The following SLC14A2 variants were observed in gnomAD, a reference collection of about 807,000 sequenced individuals.
SLC14A2 encodes solute carrier family 14 member 2.
Under a neutral mutation model 104.6 loss-of-function variants are expected in SLC14A2, and 91 were observed. The ratio of observed to expected loss-of-function variants is 0.87; its 90% CI spans 0.73 to 1.04. The LOEUF is 1.04. Among genes scored for constraint, SLC14A2 ranks in the 50% least tolerant of loss-of-function variants. The pLI, the probability that SLC14A2 is intolerant of heterozygous loss-of-function variation, is 0.00. For synonymous variants in SLC14A2, 476 were observed against 466.4 expected, an observed-to-expected ratio of 1.02 and a Z score of -0.27; for missense variants, 1,189 against 1,156.0, an observed-to-expected ratio of 1.03 and a Z score of -0.41.
chr18:45,474,088 T>C (rs1728159099), intron 1 of SLC14A2, among the ~76,000 whole-genome samples: 1 of 152,134 alleles, frequency 6.6e-6, no homozygotes, highest in African/African-American at 2.4e-5. Context: ...TTAGCATGAA[T>C]GGGTGTTGAA....
intron 10 of SLC14A2, among the ~76,000 whole-genome samples, chr18:45,657,260 T>G (rs957483580): frequency 2.0e-5 from 3 of 151,630 alleles, no homozygotes; most frequent in Non-Finnish European, 4.4e-5. Context: ...TCACCTGAGG[T>G]CAGGAGATTG....
chr18:45,492,193 C>T (rs957577377), intron 2 of SLC14A2: 22 of 152,190 alleles, frequency 1.4e-4, no homozygotes, highest in African/African-American at 2.9e-4. Flanking sequence ...GACTGTACCT[C>T]TCTAAAACTT....
chr18:45,581,708 C>A (rs912586891), intron 2 of SLC14A2, among the ~76,000 whole-genome samples: 6 of 152,128 alleles, frequency 3.9e-5, no homozygotes, highest in African/African-American at 1.4e-4. Flanking sequence ...CATAAGCAGT[C>A]AATGTTAGCT....
intron 2 of SLC14A2, among the ~76,000 whole-genome samples, chr18:45,599,575 C>G (rs1183540375): frequency 6.6e-6 from 1 of 152,212 alleles, no homozygotes; most frequent in East Asian, 1.9e-4. Flanking sequence ...ATGATTGTGT[C>G]TGTCTCTCTC....
At chr18:45,277,575 A>G (rs2084715561) in intron 1 of SLC14A2, among the ~76,000 whole-genome samples, 1 of 152,150 alleles carries the variant, frequency 6.6e-6, no homozygotes, top group Non-Finnish European at 1.5e-5. Flanking sequence ...CACCCAGCTA[A>G]TATTTTAATT....
intron 2 of SLC14A2, among the ~76,000 whole-genome samples, chr18:45,484,807 TGTAATGACA>T (rs2087568325): frequency 6.6e-6 from 1 of 152,132 alleles, no homozygotes; most frequent in South Asian, 2.1e-4. Flanking sequence ...TGTGCGTGTG[TGTAATGACA>T]GTAATAAGAT....
chr18:45,568,295 A>G (rs973312453), intron 2 of SLC14A2, among the ~76,000 whole-genome samples: 1 of 152,232 alleles, frequency 6.6e-6, no homozygotes, highest in African/African-American at 2.4e-5. Context: ...GATGAGCTCT[A>G]TGGGCACAGC....
chr18:45,307,776 C>T (rs1367840335), intron 1 of SLC14A2, among the ~76,000 whole-genome samples: 1 of 152,202 alleles, frequency 6.6e-6, no homozygotes, highest in East Asian at 1.9e-4. Context: ...GAAACTCAGC[C>T]TTGATAACTA....
intron 2 of SLC14A2, among the ~76,000 whole-genome samples, chr18:45,602,991 AACTG>A (rs916024985): frequency 1.3e-5 from 2 of 152,248 alleles, no homozygotes; most frequent in Non-Finnish European, 2.9e-5. Flanking sequence ...TTTAGTTAGC[AACTG>A]ACTGATAGAT....
chr18:45,440,347 C>T (rs982272821), intron 1 of SLC14A2: 2 of 152,228 alleles, frequency 1.3e-5, no homozygotes, highest in Admixed American at 6.5e-5. Flanking sequence ...ACTACCCCCA[C>T]CTCAGCCAGG....
At chr18:45,302,329 G>A (rs909524768) in intron 1 of SLC14A2, among the ~76,000 whole-genome samples, 2 of 152,222 alleles carry the variant, frequency 1.3e-5, no homozygotes, top group African/African-American at 4.8e-5. Context: ...GCTGCTTGCA[G>A]GCAGGTGGGA....
chr18:45,429,444 G>C (rs2086481088), intron 1 of SLC14A2, among the ~76,000 whole-genome samples: 1 of 152,118 alleles, frequency 6.6e-6, no homozygotes, highest in African/African-American at 2.4e-5. Flanking sequence ...CAGGGCACAG[G>C]GTGGACCATC....
chr18:45,309,930 A>G (rs891245861), intron 1 of SLC14A2, among the ~76,000 whole-genome samples: 33 of 152,242 alleles, frequency 2.2e-4, no homozygotes, highest in Admixed American at 2.2e-3. Flanking sequence ...GCCCTACGCA[A>G]CAATATCGGT....
At chr18:45,623,767 C>T (rs922997351) in intron 1 of SLC14A2, among the ~76,000 whole-genome samples, 2 of 152,118 alleles carry the variant, frequency 1.3e-5, no homozygotes, top group African/African-American at 4.8e-5. Flanking sequence ...TGAAGGGATG[C>T]AGCATGGAGC....
chr18:45,596,482 C>G (rs534647106), intron 2 of SLC14A2, among the ~76,000 whole-genome samples: 54 of 152,184 alleles, frequency 3.5e-4, no homozygotes, highest in East Asian at 1.2e-3. Context: ...TGGGAATTAC[C>G]CAGGAGTTGA....
intron 2 of SLC14A2, among the ~76,000 whole-genome samples, chr18:45,499,734 T>C (rs1051597215): frequency 6.6e-6 from 1 of 152,214 alleles, no homozygotes; most frequent in African/African-American, 2.4e-5. Flanking sequence ...TAATCCCATC[T>C]TGGGCACCAC....
intron 2 of SLC14A2, among the ~76,000 whole-genome samples, chr18:45,573,067 T>C (rs997606603): frequency 2.0e-5 from 3 of 151,506 alleles, no homozygotes; most frequent in African/African-American, 7.3e-5. Context: ...TCAGAGTGAG[T>C]CACACAGCCT....
intron 1 of SLC14A2, among the ~76,000 whole-genome samples, chr18:45,214,258 G>C (rs1420743117): frequency 6.6e-6 from 1 of 152,174 alleles, no homozygotes; most frequent in African/African-American, 2.4e-5. Context: ...CATTTGAAAG[G>C]CTTGGGTTTG....
intron 1 of SLC14A2, among the ~76,000 whole-genome samples, chr18:45,265,846 T>C (rs1293357121): frequency 6.6e-6 from 1 of 152,172 alleles, no homozygotes; most frequent in Non-Finnish European, 1.5e-5. Flanking sequence ...CAAATATTTG[T>C]TAAGCACCTA....
Sources: allele counts gnomAD v4.1 joint callset (sites outside exome capture counted in the v4.1 genomes callset), GRCh38; gene constraint gnomAD v4.1.1; transcripts MANE v1.5; gene names NCBI Gene and HGNC (gene_info 2026-07-23, HGNC 2026-07-21).